The following IPMK variants were observed in gnomAD, a reference collection of about 807,000 sequenced individuals.
The protein encoded by IPMK is inositol polyphosphate multikinase.
IPMK carries 17 observed loss-of-function variants against 45.8 expected under a neutral mutation model. The observed-to-expected ratio is 0.37, with a 90% confidence interval of 0.25 to 0.56. The LOEUF (loss-of-function observed/expected upper bound fraction) is 0.56. IPMK is among the 20% of genes least tolerant of loss of function. The pLI is 0.79. For synonymous variants in IPMK, 180 were observed against 184.3 expected, an observed-to-expected ratio of 0.98 and a Z score of 0.19; for missense variants, 399 against 498.0, an observed-to-expected ratio of 0.80 and a Z score of 1.89.
Position 58,196,039 on chromosome 10 carries a change from G to A in IPMK, c.*37C>T. The A allele has an allele frequency of 6.4e-7, 1 of 1,570,148 alleles. No homozygotes were observed. Among genetic ancestry groups the A allele is most frequent in the Non-Finnish European group, 8.6e-7 (1 of 1,156,832 alleles). ...GATATTGACTGCCCCTCTTCATTAT[G>A]ATTGGCCCACCCCTTAAAAAGACTG... On this transcript the variant is annotated 3_prime_UTR_variant, in exon 6 of 6. Transcript: ENST00000373935.
chr10:58,257,356 A>G (rs1384015789), intron 1 of IPMK, among the ~76,000 whole-genome samples: 1 of 152,020 alleles, frequency 6.6e-6, no homozygotes, highest in Admixed American at 6.6e-5. Context: ...TTAGCTGGGC[A>G]TGGTGGCATG....
chr10:58,220,256 G>C (rs187048461), intron 3 of IPMK, among the ~76,000 whole-genome samples: 1 of 152,272 alleles, frequency 6.6e-6, no homozygotes, highest in African/African-American at 2.4e-5. Flanking sequence ...AATATGCAGA[G>C]AGAGATCTCC....
intron 4 of IPMK, among the ~76,000 whole-genome samples, chr10:58,205,186 T>G (rs987162063): frequency 1.3e-5 from 2 of 152,048 alleles, no homozygotes; most frequent in African/African-American, 4.8e-5. Flanking sequence ...TTTCTTAGAT[T>G]TTACACCAAA....
intron 1 of IPMK, among the ~76,000 whole-genome samples, chr10:58,246,385 A>G (rs1412476121): frequency 2.9e-5 from 4 of 138,534 alleles, no homozygotes; most frequent in South Asian, 4.5e-4. Flanking sequence ...GAGGCATCAC[A>G]CTACCTGACT....
intron 1 of IPMK, among the ~76,000 whole-genome samples, chr10:58,259,193 T>C (rs72795692): frequency 0.011 from 1,740 of 152,292 alleles, 24 homozygotes; most frequent in Non-Finnish European, 0.019. Context: ...CCATAGTTTC[T>C]AAATACCATT....
chr10:58,243,764 G>A (rs1002958999), intron 1 of IPMK, among the ~76,000 whole-genome samples: 19 of 152,228 alleles, frequency 1.2e-4, no homozygotes, highest in Admixed American at 8.5e-4. Context: ...AAAGTGCTAA[G>A]ATTACAGCCT....
intron 5 of IPMK, among the ~76,000 whole-genome samples, chr10:58,198,066 G>T (rs966466146): frequency 6.6e-6 from 1 of 151,986 alleles, no homozygotes; most frequent in Non-Finnish European, 1.5e-5. Context: ...ACAAAAACTT[G>T]CTTATTAGAA....
At chr10:58,238,044 C>T (rs930562249) in intron 1 of IPMK, among the ~76,000 whole-genome samples, 1 of 152,180 alleles carries the variant, frequency 6.6e-6, no homozygotes, top group Non-Finnish European at 1.5e-5. Context: ...CCAACCACTA[C>T]CTCTTTTGGC....
At chr10:58,211,413 G>A (rs536080407) in intron 4 of IPMK, among the ~76,000 whole-genome samples, 12 of 151,940 alleles carry the variant, frequency 7.9e-5, no homozygotes, top group African/African-American at 2.2e-4. Flanking sequence ...GGCTGCTCTC[G>A]AACTCCTTAC....
rs755988715 is a variant in IPMK, at chr10:58,195,974, G to A, written c.*102C>T. The A allele has an allele frequency of 1.5e-5, 16 of 1,073,384 alleles. No homozygotes were observed. Among genetic ancestry groups the A allele is most frequent in the Middle Eastern group, 2.6e-4 (1 of 3,858 alleles). 66.5% of individuals were successfully genotyped at this position (1,073,384 alleles called of 1,614,324 possible). A position where few individuals can be genotyped will look rare whatever the true frequency, so the allele number is the denominator to read the frequency against. ...AAAGTATAAAGACAAATAAAATGTC[G>A]ACTCATAATACAAATTTTTTACATA... On this transcript the variant is annotated 3_prime_UTR_variant, in exon 6 of 6. Transcript: ENST00000373935.
intron 1 of IPMK, among the ~76,000 whole-genome samples, chr10:58,246,291 TGGAAAAA>T (rs1838799210): frequency 6.6e-6 from 1 of 150,874 alleles, no homozygotes; most frequent in Non-Finnish European, 1.5e-5. Flanking sequence ...TTCACAGAAT[TGGAAAAA>T]GCTACTTTAA....
rs1026013813 is a variant in IPMK at position 58,191,523 on chromosome 10, T to C, written c.*4553A>G. On this transcript the variant is annotated 3_prime_UTR_variant, in exon 6 of 6. Transcript: ENST00000373935. ...TTACAATTAATGAAAAAAGTTCCAA[T>C]GCAAAACATTTTAATAGGTTGTCAA... 6.6e-6 allele frequency: 1 copy of C among 152,078 alleles called. No homozygotes were observed. Among genetic ancestry groups the C allele is most frequent in the Non-Finnish European group, 1.5e-5 (1 of 67,964 alleles). The allele number at this position is 152,078 out of a possible 1,614,324, so 9.4% of individuals were successfully genotyped here.
intron 3 of IPMK, among the ~76,000 whole-genome samples, chr10:58,218,874 G>T (rs1397727622): frequency 6.6e-6 from 1 of 152,130 alleles, no homozygotes; most frequent in Non-Finnish European, 1.5e-5. Flanking sequence ...ATATATAGTG[G>T]AAATACAATA....
chr10:58,247,711 C>A (rs542992645), intron 1 of IPMK, among the ~76,000 whole-genome samples: 2 of 151,896 alleles, frequency 1.3e-5, no homozygotes, highest in African/African-American at 4.8e-5. Context: ...TGCTAGATGG[C>A]GAGTTAGTGA....
At chr10:58,231,313 A>G (rs1838513088) in intron 2 of IPMK, among the ~76,000 whole-genome samples, 1 of 152,196 alleles carries the variant, frequency 6.6e-6, no homozygotes, top group African/African-American at 2.4e-5. Flanking sequence ...ATTTAAATTC[A>G]GGAAATACGG....
rs773931664 is a variant in IPMK, at chr10:58,199,326, C to CA, written c.547-6dup. On this transcript the variant is annotated splice_region_variant and splice_polypyrimidine_tract_variant and intron_variant, in intron 4 of 5. Coordinates refer to ENST00000373935, the MANE Select transcript of IPMK (RefSeq NM_152230.5). ...ATCGGAATGAACATGATAAACCTGT[C>CA]AAAAAAAGCAGTGAATATTAAAAAG... 6.5e-5 allele frequency: 103 copies of CA among 1,585,748 alleles called. No individual in the cohort carries two copies. The highest frequency in any genetic ancestry group is 6.4e-4 in the African/African-American group (47 of 73,714).
intron 1 of IPMK, among the ~76,000 whole-genome samples, chr10:58,257,221 C>G (rs1838983123): frequency 6.6e-6 from 1 of 152,034 alleles, no homozygotes; most frequent in Non-Finnish European, 1.5e-5. Flanking sequence ...ACAGCCAGGC[C>G]CGGTGGCTCA....
rs762465521 is a variant in IPMK, at chr10:58,196,697, T to G, written c.630A>C (p.Gly210=). 53 of 1,553,222 alleles carry G rather than the reference T, an allele frequency of 3.4e-5. No homozygotes were observed. The highest frequency in any genetic ancestry group is 8.7e-6 in the Non-Finnish European group (10 of 1,153,512). ...ACCCATTATGAAAAAATCTGGAGACTCCTATAAAAAGAAAAATATGAGCGT... is the reference window on the plus strand; with the variant it reads ...ACCCATTATGAAAAAATCTGGAGACGCCTATAAAAAGAAAAATATGAGCGT... ...RSLTKETIKD[G]VSRFFHNGYC... Residue 210 remains glycine, a splice_region_variant and synonymous_variant, in exon 6 of 6, where the codon GGA becomes GGC. Coordinates refer to ENST00000373935, the MANE Select transcript of IPMK (RefSeq NM_152230.5).
chr10:58,210,759 G>A (rs748946529), intron 4 of IPMK, among the ~76,000 whole-genome samples: 4 of 152,166 alleles, frequency 2.6e-5, no homozygotes, highest in African/African-American at 4.8e-5. Context: ...GTATGTGTTC[G>A]AAGGCAGGTC....
Sources: gnomAD v4.1 joint callset for allele counts (sites outside exome capture counted in the v4.1 genomes callset) on GRCh38, gnomAD v4.1.1 for gene constraint, MANE v1.5 for transcripts, NCBI Gene and HGNC (gene_info 2026-07-23, HGNC 2026-07-21) for gene names.